TAB2: variants seen among roughly 807,000 people sequenced by gnomAD.
The protein encoded by TAB2 is TGF-beta activated kinase 1 (MAP3K7) binding protein 2, also known as TGF-beta-activated kinase 1 and MAP3K7-binding protein 2.
TAB2 carries 3 observed loss-of-function variants against 65.0 expected under a neutral mutation model. That is an observed-to-expected ratio of 0.05 (90% CI 0.02 to 0.12). The LOEUF (loss-of-function observed/expected upper bound fraction) is 0.12, where lower values mean the gene tolerates loss of function less well. Among genes scored for constraint, TAB2 ranks in the 10% least tolerant of loss-of-function variants. The pLI is 1.00. For synonymous variants in TAB2, 298 were observed against 285.1 expected (o/e 1.05, Z -0.46); for missense variants, 623 against 840.3 (o/e 0.74, Z 3.20).
rs563022383 is a variant in TAB2, at chr6:149,358,285, A to G, written c.-89-11624A>G. The stretch of plus-strand genomic sequence containing the variant: ...ATTTATATTTCATATCCACCTTAAT[A>G]CGCATAGCCTGAAGGTAATTTTATA... On this transcript the variant is annotated intron_variant, in intron 1 of 6. Transcript: ENST00000637181. Among the ~76,000 whole-genome samples, 5 of 152,328 alleles carry G rather than the reference A, an allele frequency of 3.3e-5. No individual in the cohort carries two copies. In the East Asian group the frequency reaches 5.8e-4, roughly 18 times the overall value.
At chr6:149,253,395 C>T (rs547977321) in intron 1 of TAB2, among the ~76,000 whole-genome samples, 53 of 152,062 alleles carry the variant, frequency 3.5e-4, no homozygotes, top group African/African-American at 8.4e-4. Flanking sequence ...CCAAGACGGG[C>T]GGATCACTTG....
intron 1 of TAB2, among the ~76,000 whole-genome samples, chr6:149,256,611 T>C (rs1423102611): frequency 2.6e-5 from 4 of 152,220 alleles, no homozygotes; most frequent in African/African-American, 7.2e-5. Flanking sequence ...ATTTGCCTTC[T>C]TTTTAATATG....
intron 1 of TAB2, among the ~76,000 whole-genome samples, chr6:149,323,241 T>C (rs1264782128): frequency 6.6e-6 from 1 of 152,158 alleles, no homozygotes; most frequent in Admixed American, 6.5e-5. Flanking sequence ...TTTGTGAATC[T>C]AGCCAAAAGT....
chr6:149,349,558 A>G (rs1449637449), intron 1 of TAB2, among the ~76,000 whole-genome samples: 2 of 152,056 alleles, frequency 1.3e-5, no homozygotes, highest in Non-Finnish European at 2.9e-5. Flanking sequence ...TACTTTTTGT[A>G]TATTCATATG....
At chr6:149,319,741 C>T (rs1779374267) in intron 1 of TAB2, among the ~76,000 whole-genome samples, 1 of 152,200 alleles carries the variant, frequency 6.6e-6, no homozygotes, top group African/African-American at 2.4e-5. Context: ...AAGTTATCCC[C>T]TGAATATACT....
At position 149,317,999 on chromosome 6, in the gene TAB2, AGCG is replaced by A; in HGVS notation, c.-97_-95del. ...CGGCGGCCGAGGAGGAGGAGGGGGA[AGCG>A]GCGGCGGCAAAGGGTAAGCGGACAG... is the stretch of plus-strand genomic sequence containing the variant. On this transcript the variant is annotated 5_prime_UTR_variant, in exon 1 of 7. Transcript: ENST00000637181. The surrounding 1 kb of genome is among the most constrained non-coding windows in gnomAD (Gnocchi z 4.7). 1.8e-5 allele frequency: 3 copies of A among 169,936 alleles called. No individual in the cohort carries two copies. The highest frequency in any genetic ancestry group is 1.1e-4 in the South Asian group (1 of 9,400). 10.5% of individuals were successfully genotyped at this position (169,936 alleles called of 1,614,324 possible).
At chr6:149,367,810 A>G (rs889969928) in intron 1 of TAB2, among the ~76,000 whole-genome samples, 1 of 152,100 alleles carries the variant, frequency 6.6e-6, no homozygotes, top group Middle Eastern at 3.2e-3. Context: ...AACTGGATGA[A>G]TGGTGGTACC....
At chr6:149,385,593 C>G (rs1050676041) in intron 3 of TAB2, among the ~76,000 whole-genome samples, 2 of 152,158 alleles carry the variant, frequency 1.3e-5, no homozygotes, top group South Asian at 4.1e-4. Flanking sequence ...GTAGGTTCCT[C>G]CCAGTCTTAA....
chr6:149,389,443 C>T (rs995138254), intron 3 of TAB2, among the ~76,000 whole-genome samples: 3 of 151,728 alleles, frequency 2.0e-5, no homozygotes, highest in South Asian at 4.2e-4. Flanking sequence ...GTTGGGAGTT[C>T]GAGACCAGCC....
intron 6 of TAB2, 110 bp from the exon 7 acceptor site, chr6:149,409,466 TG>T (rs1481218835): frequency 4.1e-6 from 4 of 968,500 alleles, no homozygotes; most frequent in Non-Finnish European, 6.4e-6. Context: ...ATGCCCCATT[TG>T]GGGAGCAAGC....
intron 1 of TAB2, among the ~76,000 whole-genome samples, chr6:149,219,867 G>T (rs11965012): frequency 0.075 from 11,365 of 152,092 alleles, 779 homozygotes; most frequent in African/African-American, 0.18. Flanking sequence ...TTTTTTCAAT[G>T]TCAGGACCTC....
chr6:149,362,087 C>T (rs576143047), intron 1 of TAB2, among the ~76,000 whole-genome samples: 250 of 152,306 alleles, frequency 1.6e-3, no homozygotes, highest in South Asian at 4.3e-3. Flanking sequence ...TTCCTGAGTC[C>T]TGCAAACTCT....
intron 6 of TAB2, among the ~76,000 whole-genome samples, chr6:149,403,339 TACACACACACACACAC>T (rs71010866): frequency 2.1e-4 from 22 of 105,786 alleles, no homozygotes; most frequent in African/African-American, 7.7e-4. Flanking sequence ...TACATATATA[TACACACACACACACAC>T]ACACACACAC....
At chr6:149,356,564 G>A (rs575218595) in intron 1 of TAB2, among the ~76,000 whole-genome samples, 3 of 152,238 alleles carry the variant, frequency 2.0e-5, no homozygotes, top group Admixed American at 6.5e-5. Flanking sequence ...CTATGTCCTC[G>A]CATGGTGGAA....
intron 1 of TAB2, among the ~76,000 whole-genome samples, chr6:149,337,772 A>G (rs1011515242): frequency 2.6e-5 from 4 of 152,186 alleles, no homozygotes; most frequent in African/African-American, 9.7e-5. Flanking sequence ...TTAATCTCTT[A>G]TACTATACTT....
intron 1 of TAB2, among the ~76,000 whole-genome samples, chr6:149,340,205 A>AT (rs1352016978): frequency 3.3e-5 from 5 of 152,248 alleles, no homozygotes; most frequent in Non-Finnish European, 7.3e-5. Context: ...TGTAAATAAG[A>AT]TGCCAGAGGA....
Position 149,410,663 on chromosome 6 carries a change from A to T in TAB2, c.*944A>T, listed in dbSNP as rs563126529. The T allele has an allele frequency of 3.3e-5, 5 of 152,792 alleles. No homozygotes were observed. Among genetic ancestry groups the T allele is most frequent in the African/African-American group, 1.2e-4 (5 of 41,572 alleles). The allele number at this position is 152,792 out of a possible 1,614,324, so 9.5% of individuals were successfully genotyped here. ...CACAGTGAATTGCAGATGATATTAC[A>T]GAAGTGATGTCTGTAGGTCACATTA... is the stretch of plus-strand genomic sequence containing the variant. On this transcript the variant is annotated 3_prime_UTR_variant, in exon 7 of 7. Transcript: ENST00000637181.
In TAB2 at chr6:149,398,983, G is replaced by A. The variant is rs1404145817; in HGVS notation, c.1859-121G>A. 4.7e-6 allele frequency: 4 copies of A among 842,286 alleles called. No homozygotes were observed. In the East Asian group the frequency reaches 1.1e-4, roughly 23 times the overall value. The allele number at this position is 842,286 out of a possible 1,614,324, so 52.2% of individuals were successfully genotyped here. On this transcript the variant is annotated intron_variant, in intron 5 of 6. Coordinates refer to ENST00000637181, the MANE Select transcript of TAB2 (RefSeq NM_001292034.3). ...TTACATATAATTCGAGGTTAGAGGG[G>A]CAAAATAAATGAAAAGCATTTCTTA...
At chr6:149,347,509 TTAAAA>T (rs752389600) in intron 1 of TAB2, among the ~76,000 whole-genome samples, 5 of 152,206 alleles carry the variant, frequency 3.3e-5, no homozygotes, top group Non-Finnish European at 5.9e-5. Flanking sequence ...AATAGCTAAC[TTAAAA>T]TAAGTAGCAT....
Sources: allele counts gnomAD v4.1 joint callset (sites outside exome capture counted in the v4.1 genomes callset), GRCh38; gene constraint gnomAD v4.1.1; non-coding constraint Gnocchi (gnomAD v3.1); transcripts MANE v1.5; gene names NCBI Gene and HGNC (gene_info 2026-07-23, HGNC 2026-07-21).